The following TTC3 variants were observed in gnomAD, a reference collection of about 807,000 sequenced individuals.
The protein encoded by TTC3 is tetratricopeptide repeat domain 3, also known as E3 ubiquitin-protein ligase TTC3.
In TTC3, 180 loss-of-function variants were observed where a neutral mutation model predicts 249.6. The ratio of observed to expected loss-of-function variants is 0.72; its 90% confidence interval spans 0.64 to 0.82. The LOEUF (loss-of-function observed/expected upper bound fraction) is 0.82. Among genes scored for constraint, TTC3 ranks in the 40% least tolerant of loss-of-function variants. TTC3 has a pLI of 0.00. For synonymous variants in TTC3, 717 were observed against 805.0 expected (o/e 0.89, Z 1.85); for missense variants, 2,061 against 2,398.4 (o/e 0.86, Z 2.94).
chr21:37,111,695 G>A (rs376667674), intron 11 of TTC3, among the ~76,000 whole-genome samples: 17 of 151,998 alleles, frequency 1.1e-4, no homozygotes, highest in African/African-American at 3.4e-4. Context: ...TGCACCAAGC[G>A]GACCTAATAG....
chr21:37,096,846 T>C (rs1308960400), intron 10 of TTC3: 1 of 450,544 alleles, frequency 2.2e-6, no homozygotes, highest in Non-Finnish European at 3.9e-6. Flanking sequence ...TGCAGACATA[T>C]GTTAAGCATT....
rs190691891 is a variant in TTC3 at position 37,200,115 on chromosome 21, T to G, written c.5851-117T>G. 245 of 768,092 alleles carry G rather than the reference T, an allele frequency of 3.2e-4. No homozygotes were observed. The East Asian group carries it at 6.3e-3, about 20-fold the overall frequency. The allele number at this position is 768,092 out of a possible 1,614,324, so 47.6% of individuals were successfully genotyped here. ...TCCTCAGACTGTTTAGCTGTAATTG[T>G]GAATAATTTGCCACCCTTTGTGGCA... On this transcript the variant is annotated intron_variant, in intron 44 of 45. Transcript: ENST00000355666.
chr21:37,095,135 A>ACATGTGTGTGTGTG (rs1555853733), intron 8 of TTC3, among the ~76,000 whole-genome samples: 13 of 76,666 alleles, frequency 1.7e-4, no homozygotes, highest in Admixed American at 5.5e-4. Flanking sequence ...GTCTCTAAAA[A>ACATGTGTGTGTGTG]TATGTGTGTG....
intron 37 of TTC3, 103 bp from the exon 38 acceptor site, chr21:37,186,946 G>C: frequency 3.2e-6 from 2 of 618,442 alleles, no homozygotes; most frequent in South Asian, 2.4e-5. Context: ...ATGTAGCTGA[G>C]GCTATCGTGG....
chr21:37,188,483 A>G lies in TTC3; in HGVS notation c.4924-12A>G, dbSNP rs1377292412. 5 of 1,606,882 alleles carry G rather than the reference A, an allele frequency of 3.1e-6. No individual in the cohort carries two copies. Among genetic ancestry groups the G allele is most frequent in the Non-Finnish European group, 4.3e-6 (5 of 1,174,328 alleles). ...TTGTAAAATACTCATATGTCTTCTG[A>G]TCTACTGGCAGGTATCCGTACTTGA... On this transcript the variant is annotated splice_polypyrimidine_tract_variant and intron_variant, in intron 38 of 45. Transcript: ENST00000355666.
chr21:37,083,226 G>A, intron 1 of TTC3: 1 of 985,448 alleles, frequency 1.0e-6, no homozygotes, highest in Non-Finnish European at 1.2e-6. Context: ...GGAAGGACAA[G>A]CAGTTGGGTA....
chr21:37,183,936 C>CA (rs1452179796), intron 36 of TTC3, among the ~76,000 whole-genome samples: 1 of 152,116 alleles, frequency 6.6e-6, no homozygotes, highest in African/African-American at 2.4e-5. Context: ...ACTGGGGGGC[C>CA]ACGCTACACA....
At chr21:37,087,176 A>G in intron 1 of TTC3, 71 bp from the exon 2 acceptor site, 2 of 1,546,168 alleles carry the variant, frequency 1.3e-6, no homozygotes, top group South Asian at 2.4e-5. Flanking sequence ...TATACCATAG[A>G]AGCCAGGAAA....
chr21:37,082,130 G>T (rs1430717397), intron 1 of TTC3: 1 of 152,264 alleles, frequency 6.6e-6, no homozygotes, highest in African/African-American at 2.4e-5. Context: ...CTCCCAGAGT[G>T]CTGGGATTAC....
At chr21:37,101,946 A>G (rs1161017997) in intron 10 of TTC3, among the ~76,000 whole-genome samples, 4 of 148,836 alleles carry the variant, frequency 2.7e-5, no homozygotes, top group Non-Finnish European at 4.5e-5. Flanking sequence ...TTATATTAGT[A>G]TATAGATTAT....
At chr21:37,116,401 T>C (rs755883247) in intron 11 of TTC3, among the ~76,000 whole-genome samples, 8 of 152,230 alleles carry the variant, frequency 5.3e-5, no homozygotes, top group Non-Finnish European at 8.8e-5. Context: ...AATAGTTTTA[T>C]TTATTTCATT....
rs766982057 is a variant in TTC3 at position 37,167,513 on chromosome 21, C to T, written c.4402-42C>T. ...ACTTGATGGGCTTATTTTACTAGAGCGATTGAGATAAAGTGAATTTTATTT... is the reference window on the plus strand; with the variant it reads ...ACTTGATGGGCTTATTTTACTAGAGTGATTGAGATAAAGTGAATTTTATTT... On this transcript the variant is annotated intron_variant, in intron 33 of 45. Coordinates refer to ENST00000355666, the Ensembl canonical transcript of TTC3. The T allele has an allele frequency of 1.0e-5, 15 of 1,445,674 alleles. No homozygotes were observed. The African/African-American group carries it at 1.4e-4, about 14-fold the overall frequency. 89.6% of individuals were successfully genotyped at this position (1,445,674 alleles called of 1,614,324 possible). A position where few individuals can be genotyped will look rare whatever the true frequency, so the allele number is the denominator to read the frequency against.
At chr21:37,075,169 T>TC (rs2070667974) in intron 1 of TTC3, among the ~76,000 whole-genome samples, 1 of 151,614 alleles carries the variant, frequency 6.6e-6, no homozygotes, top group Non-Finnish European at 1.5e-5. Context: ...CAACTTGCTT[T>TC]TTTTTTTTTT....
chr21:37,091,149 A>T, intron 6 of TTC3, 144 bp from the exon 7 acceptor site: 1 of 751,840 alleles, frequency 1.3e-6, no homozygotes, highest in Non-Finnish European at 2.2e-6. Flanking sequence ...ACTCTAAGTT[A>T]CATGCCAGAG....
chr21:37,152,915 C>A, intron 26 of TTC3, 36 bp from the exon 27 acceptor site: 2 of 1,459,396 alleles, frequency 1.4e-6, no homozygotes, highest in South Asian at 1.6e-5. Flanking sequence ...TGAATTAGTC[C>A]TATTTATCAC....
At chr21:37,125,295 A>G (rs2076963294) in intron 14 of TTC3, among the ~76,000 whole-genome samples, 1 of 152,210 alleles carries the variant, frequency 6.6e-6, no homozygotes, top group African/African-American at 2.4e-5. Flanking sequence ...GGTTCAGGCC[A>G]TTCTGTCCAA....
chr21:37,106,048 G>A (rs939074301), intron 10 of TTC3, among the ~76,000 whole-genome samples: 1 of 152,138 alleles, frequency 6.6e-6, no homozygotes, highest in Non-Finnish European at 1.5e-5. Context: ...CAGCATATGA[G>A]AATTTCAGTT....
At chr21:37,165,892 A>G (rs780913528) in exon 33 of TTC3, 4 of 1,614,148 alleles carry the variant, frequency 2.5e-6, no homozygotes, top group African/African-American at 1.3e-5. Flanking sequence ...TGTCAGATTC[A>G]TCTTCAGCAC....
intron 11 of TTC3, among the ~76,000 whole-genome samples, chr21:37,112,664 A>G (rs573151320): frequency 6.6e-6 from 1 of 152,310 alleles, no homozygotes; most frequent in East Asian, 1.9e-4. Context: ...CAATAGAAAA[A>G]GAGGGAATCC....
Sources: allele counts gnomAD v4.1 joint callset (sites outside exome capture counted in the v4.1 genomes callset), GRCh38; gene constraint gnomAD v4.1.1; transcripts MANE v1.5; gene names NCBI Gene and HGNC (gene_info 2026-07-23, HGNC 2026-07-21).